STPG2: variants seen among roughly 807,000 people sequenced by gnomAD.
STPG2 encodes the protein sperm tail PG-rich repeat containing 2.
Under a neutral mutation model 54.2 loss-of-function variants are expected in STPG2, and 56 were observed. That is an observed-to-expected ratio of 1.03 (90% confidence interval 0.83 to 1.29). STPG2 has a LOEUF of 1.29. Among genes scored for constraint, STPG2 ranks in the 50% most tolerant of loss-of-function variants. The pLI, the probability that STPG2 is intolerant of heterozygous loss-of-function variation, is 0.00. For synonymous variants in STPG2, 200 were observed against 181.8 expected, an observed-to-expected ratio of 1.10 and a Z score of -0.81; for missense variants, 596 against 544.9, an observed-to-expected ratio of 1.09 and a Z score of -0.93.
At chr4:98,009,586 T>C (rs1735679990) in intron 5 of STPG2, among the ~76,000 whole-genome samples, 1 of 152,096 alleles carries the variant, frequency 6.6e-6, no homozygotes, top group African/African-American at 2.4e-5. Context: ...TATATGTCTG[T>C]TAGGTCCATT....
intron 9 of STPG2, among the ~76,000 whole-genome samples, chr4:97,838,362 C>A (rs1416277120): frequency 6.6e-6 from 1 of 151,320 alleles, no homozygotes; most frequent in Non-Finnish European, 1.5e-5. Flanking sequence ...TTTGATTATA[C>A]AATGATGTTT....
chr4:98,010,031 T>A (rs1735696393), intron 5 of STPG2, among the ~76,000 whole-genome samples: 2 of 152,014 alleles, frequency 1.3e-5, no homozygotes, highest in Non-Finnish European at 2.9e-5. Flanking sequence ...GTGTGTTGAT[T>A]TTATCTTTTC....
At chr4:97,927,838 T>C (rs1732394506) in intron 8 of STPG2, among the ~76,000 whole-genome samples, 1 of 152,146 alleles carries the variant, frequency 6.6e-6, no homozygotes, top group South Asian at 2.1e-4. Flanking sequence ...TTTGGAATGG[T>C]GCCTGGCATG....
chr4:97,857,536 C>G (rs898657056), intron 8 of STPG2, among the ~76,000 whole-genome samples: 1 of 151,912 alleles, frequency 6.6e-6, no homozygotes, highest in Non-Finnish European at 1.5e-5. Context: ...GTATTTGATT[C>G]TTCTCTATTT....
chr4:97,619,056 CT>C (rs1733939869), intron 10 of STPG2, among the ~76,000 whole-genome samples: 1 of 152,144 alleles, frequency 6.6e-6, no homozygotes, highest in Non-Finnish European at 1.5e-5. Context: ...ATTTCCTAGG[CT>C]GATTACAGAT....
chr4:97,939,165 G>T (rs1024039467), intron 8 of STPG2, among the ~76,000 whole-genome samples: 3 of 152,040 alleles, frequency 2.0e-5, no homozygotes, highest in African/African-American at 7.3e-5. Context: ...TCACACTGTG[G>T]TCCAAGGATG....
chr4:97,935,110 C>G (rs947023330), intron 8 of STPG2, among the ~76,000 whole-genome samples: 2 of 152,092 alleles, frequency 1.3e-5, no homozygotes, highest in Non-Finnish European at 2.9e-5. Context: ...AGGAATTCAT[C>G]CATTTCTTCT....
At chr4:97,494,320 A>G (rs1730563087) in intron 4 of STPG2, among the ~76,000 whole-genome samples, 1 of 151,562 alleles carries the variant, frequency 6.6e-6, no homozygotes, top group Non-Finnish European at 1.5e-5. Flanking sequence ...CCTCACAGAA[A>G]ATGAACATTT....
intron 4 of STPG2, among the ~76,000 whole-genome samples, chr4:97,521,777 G>A (rs1274977855): frequency 6.6e-6 from 1 of 151,866 alleles, no homozygotes; most frequent in Non-Finnish European, 1.5e-5. Context: ...TATCTTCCAT[G>A]TCCCAACTTA....
At chr4:97,782,853 G>A (rs878931756) in intron 9 of STPG2, among the ~76,000 whole-genome samples, 11 of 152,120 alleles carry the variant, frequency 7.2e-5, no homozygotes, top group African/African-American at 9.7e-5. Context: ...TTAATAAATG[G>A]TGCTGGGAAA....
rs191219516 is a variant in STPG2, at chr4:97,899,681, A to G, written c.1044+44216T>C. Among the ~76,000 whole-genome samples, 1,092 of 152,260 alleles carry G rather than the reference A, an allele frequency of 7.2e-3. 15 individuals carry two copies. Among genetic ancestry groups the G allele is most frequent in the Non-Finnish European group, 7.6e-3 (516 of 68,006 alleles). On this transcript the variant is annotated intron_variant, in intron 8 of 10. Coordinates refer to ENST00000295268, the MANE Select transcript of STPG2 (RefSeq NM_174952.3). ...GAAATAAGGCTGCACATCTACAACCATCTGATCTTTAACAAACCTGACAAA... is the reference window on the plus strand; with the variant it reads ...GAAATAAGGCTGCACATCTACAACCGTCTGATCTTTAACAAACCTGACAAA...
At chr4:97,484,728 T>A (rs1290615429) in intron 4 of STPG2, among the ~76,000 whole-genome samples, 1 of 151,666 alleles carries the variant, frequency 6.6e-6, no homozygotes, top group Admixed American at 6.6e-5. Flanking sequence ...AGCATCACCT[T>A]AATACCAACC....
intron 9 of STPG2, among the ~76,000 whole-genome samples, chr4:97,716,363 A>G (rs1245766171): frequency 6.6e-6 from 1 of 152,140 alleles, no homozygotes; most frequent in Non-Finnish European, 1.5e-5. Flanking sequence ...TACTCAAAGG[A>G]CTATTAATCA....
At chr4:98,084,635 C>G (rs1014312224) in intron 5 of STPG2, among the ~76,000 whole-genome samples, 2 of 152,226 alleles carry the variant, frequency 1.3e-5, no homozygotes, top group Middle Eastern at 3.4e-3. Context: ...TTTCCAGTCT[C>G]TTTTACTTTA....
chr4:97,604,370 C>A (rs914992377), intron 10 of STPG2, among the ~76,000 whole-genome samples: 1 of 151,758 alleles, frequency 6.6e-6, no homozygotes, highest in Non-Finnish European at 1.5e-5. Flanking sequence ...GAAGAGTGCT[C>A]CTTGAAACAA....
intron 8 of STPG2, among the ~76,000 whole-genome samples, chr4:97,876,121 A>T (rs1037911762): frequency 6.6e-6 from 1 of 152,050 alleles, no homozygotes; most frequent in Non-Finnish European, 1.5e-5. Flanking sequence ...ATCTCAAGCG[A>T]ATGCTAAAAA....
chr4:97,761,168 A>C (rs956424), intron 9 of STPG2, among the ~76,000 whole-genome samples: 25,554 of 150,802 alleles, frequency 0.17, 2,552 homozygotes, highest in South Asian at 0.29. Context: ...TGTGCCCCCC[A>C]AAAAAATACC....
chr4:98,073,840 T>C (rs369181511), intron 5 of STPG2, among the ~76,000 whole-genome samples: 1 of 152,270 alleles, frequency 6.6e-6, no homozygotes, highest in East Asian at 1.9e-4. Context: ...TGCAAGTATA[T>C]TTTAAGTAAA....
At chr4:97,739,218 G>A (rs1725130955) in intron 9 of STPG2, among the ~76,000 whole-genome samples, 1 of 152,120 alleles carries the variant, frequency 6.6e-6, no homozygotes, top group African/African-American at 2.4e-5. Flanking sequence ...AAAGCAGTGT[G>A]TAGAGAGAAA....
Sources: gnomAD v4.1 joint callset for allele counts (sites outside exome capture counted in the v4.1 genomes callset) on GRCh38, gnomAD v4.1.1 for gene constraint, MANE v1.5 for transcripts, NCBI Gene and HGNC (gene_info 2026-07-23, HGNC 2026-07-21) for gene names.